The following BAHCC1 variants were observed in gnomAD, a reference collection of about 807,000 sequenced individuals.
BAHCC1 encodes the protein BAH and coiled-coil domain-containing protein 1.
A neutral mutation model predicts 88.2 loss-of-function variants in BAHCC1; 43 were observed. The ratio of observed to expected loss-of-function variants is 0.49; its 90% CI spans 0.38 to 0.63. The LOEUF (loss-of-function observed/expected upper bound fraction) is 0.63. BAHCC1 is among the 20% of genes least tolerant of loss of function. The pLI is 0.00. For synonymous variants in BAHCC1, 1,510 were observed against 745.5 expected (o/e 2.03, Z -16.71); for missense variants, 3,023 against 1,654.8 (o/e 1.83, Z -14.34).
At chr17:81,457,688 C>CCCTGTCCTCCCTCCTGGTTACCT (rs2064775653) in intron 17 of BAHCC1, 96 bp downstream of exon 17, 1 of 593,708 alleles carries the variant, frequency 1.7e-6, no homozygotes. Flanking sequence ...GCTGGGTAAC[C>CCCTGTCCTCCCTCCTGGTTACCT]AGGAGGGAGG....
chr17:81,424,138 C>T (rs1289666762), intron 2 of BAHCC1, among the ~76,000 whole-genome samples: 1 of 152,220 alleles, frequency 6.6e-6, no homozygotes, highest in African/African-American at 2.4e-5. Flanking sequence ...CTCAGTTTCT[C>T]CCTCTGCTCG....
Position 81,447,374 on chromosome 17 carries a change from C to T in BAHCC1, c.3502C>T (p.Pro1168Ser). The change falls in exon 11 of 28, where the codon CCC becomes TCC. Residue 1168 changes from proline (P) to serine (S), a missense_variant. Coordinates refer to ENST00000675386, the MANE Select transcript of BAHCC1 (RefSeq NM_001377448.1). ...TGCGGCCCTCCTGGAGGCAGGGGGC[C>T]CCGAGGCCACCGGCCAGGCTCATTC... ...QCAALLEAGG[P>S]EATGQAHSTQ... 1 of 735,402 alleles carries T rather than the reference C, an allele frequency of 1.4e-6. No homozygotes were observed. Among genetic ancestry groups the T allele is most frequent in the Non-Finnish European group, 2.5e-6 (1 of 396,170 alleles). The allele number at this position is 735,402 out of a possible 1,614,324, so 45.6% of individuals were successfully genotyped here. A position where few individuals can be genotyped will look rare whatever the true frequency, so the allele number is the denominator to read the frequency against.
Position 81,399,667 on chromosome 17 carries a change from C to A in BAHCC1, c.-73C>A. On this transcript the variant is annotated 5_prime_UTR_variant, in exon 2 of 28. Coordinates refer to ENST00000675386, the MANE Select transcript of BAHCC1 (RefSeq NM_001377448.1). The surrounding 1 kb of genome is among the most constrained non-coding windows in gnomAD (Gnocchi z 4.5). ...GACGCCGCCGCCTCTGCGCCGCCCG[C>A]GCGCCGAGCCGCCCCCGGGCCCCGG... 1.1e-6 allele frequency: 1 copy of A among 934,932 alleles called. No individual in the cohort carries two copies. The highest frequency in any genetic ancestry group is 1.3e-6 in the Non-Finnish European group (1 of 783,768). The allele number at this position is 934,932 out of a possible 1,614,324, so 57.9% of individuals were successfully genotyped here.
At chr17:81,445,202 C>T in intron 9 of BAHCC1, 24 bp downstream of exon 9, 1 of 749,026 alleles carries the variant, frequency 1.3e-6, no homozygotes, top group South Asian at 1.4e-5. Context: ...CCACGCTCAC[C>T]TGGGCCGGGC....
intron 3 of BAHCC1, among the ~76,000 whole-genome samples, chr17:81,431,333 C>A (rs1444982565): frequency 7.1e-6 from 1 of 141,010 alleles, no homozygotes; most frequent in Non-Finnish European, 1.5e-5. Context: ...CAACCCCCAG[C>A]CCGCTGAGAC....
At position 81,447,350 on chromosome 17, in the gene BAHCC1, G is replaced by A. The variant is rs781870522; in HGVS notation, c.3478G>A (p.Ala1160Thr). Residue 1160 changes from alanine (A) to threonine (T), a missense_variant, in exon 11 of 28, where the codon GCG becomes ACG. Coordinates refer to ENST00000675386, the MANE Select transcript of BAHCC1 (RefSeq NM_001377448.1). Reference protein sequence around the residue: ...PLEGLQELQCAALLEAGGPEA... With the variant: ...PLEGLQELQCTALLEAGGPEA... The stretch of plus-strand genomic sequence containing the variant: ...AGAGGGGCTACAAGAACTGCAATGT[G>A]CGGCCCTCCTGGAGGCAGGGGGCCC... 1.5e-5 allele frequency: 11 copies of A among 745,520 alleles called. No individual in the cohort carries two copies. The South Asian group carries it at 1.6e-4, about 11-fold the overall frequency. The allele number at this position is 745,520 out of a possible 1,614,324, so 46.2% of individuals were successfully genotyped here. A position where few individuals can be genotyped will look rare whatever the true frequency, so the allele number is the denominator to read the frequency against.
chr17:81,399,636 A>G lies in BAHCC1; in HGVS notation c.-104A>G. On this transcript the variant is annotated 5_prime_UTR_variant, in exon 2 of 28. Coordinates refer to ENST00000675386, the MANE Select transcript of BAHCC1 (RefSeq NM_001377448.1). This position sits in a 1 kb window ranked among gnomAD's most constrained non-coding sequence, Gnocchi z 4.5. ...GGCCCCGCCGCCACCACCGCCTGTG[A>G]CCCCGGACGCCGCCGCCTCTGCGCC... The G allele has an allele frequency of 1.3e-6, 1 of 772,600 alleles. No individual in the cohort carries two copies. The highest frequency in any genetic ancestry group is 1.7e-6 in the Non-Finnish European group (1 of 591,536). The allele number at this position is 772,600 out of a possible 1,614,324, so 47.9% of individuals were successfully genotyped here.
At chr17:81,402,876 A>C in intron 2 of BAHCC1, 1 of 152,234 alleles carries the variant, frequency 6.6e-6, no homozygotes. Flanking sequence ...TTTTCTAAAA[A>C]TGAAAGTGCT....
rs368269750 is a variant in BAHCC1, at chr17:81,463,732, G to A, written c.7742G>A (p.Arg2581Gln). 6.2e-5 allele frequency: 48 copies of A among 778,956 alleles called. No individual in the cohort carries two copies. The highest frequency in any genetic ancestry group is 2.4e-4 in the African/African-American group (14 of 59,252). 48.3% of individuals were successfully genotyped at this position (778,956 alleles called of 1,614,324 possible). The change falls in exon 28 of 28, where the codon CGG becomes CAG. Residue 2581 changes from arginine to glutamine, a missense_variant. By Grantham distance (43) the Arg-to-Gln change is conservative. Coordinates refer to ENST00000675386, the MANE Select transcript of BAHCC1 (RefSeq NM_001377448.1). ...QMARSRKCQD[R>Q]QDLYYLAGTY... is the part of the protein sequence containing the mutation. The stretch of plus-strand genomic sequence containing the variant: ...GCCCGGAGCCGCAAGTGCCAGGACC[G>A]GCAGGACCTCTACTACCTGGCGGGC...
chr17:81,422,844 G>A (rs1201279023), intron 2 of BAHCC1: 1 of 390,606 alleles, frequency 2.6e-6, no homozygotes, highest in Non-Finnish European at 5.0e-6. Flanking sequence ...GTGTGGGGGT[G>A]GGAAGGCCTG....
intron 2 of BAHCC1, chr17:81,409,977 C>T: frequency 4.2e-6 from 1 of 240,556 alleles, no homozygotes; most frequent in Non-Finnish European, 9.1e-6. Flanking sequence ...TGCCAAGCCA[C>T]CTTGGCTGCA....
At chr17:81,458,500 G>T (rs782341413) in intron 18 of BAHCC1, 34 bp downstream of exon 18, 1 of 672,824 alleles carries the variant, frequency 1.5e-6, no homozygotes. Flanking sequence ...GGGCGGAGAG[G>T]GTGGGTGCCT....
Position 81,411,864 on chromosome 17 carries a change from C to T in BAHCC1, c.178+11947C>T, listed in dbSNP as rs1306295908. 1.3e-5 allele frequency among the ~76,000 whole-genome samples: 2 copies of T among 152,250 alleles called. No individual in the cohort carries two copies. The highest frequency in any genetic ancestry group is 2.9e-5 in the Non-Finnish European group (2 of 68,026). Reference sequence around the variant, plus strand: ...CCGCCCCGGCCCCTGCCCCTCCACACCCTGGTCACTCTTCCCTCCAGCTCA... The same window carrying T: ...CCGCCCCGGCCCCTGCCCCTCCACATCCTGGTCACTCTTCCCTCCAGCTCA... On this transcript the variant is annotated intron_variant, in intron 2 of 27. Coordinates refer to ENST00000675386, the MANE Select transcript of BAHCC1 (RefSeq NM_001377448.1). The surrounding 1 kb of genome is among the most constrained non-coding windows in gnomAD (Gnocchi z 6.2).
intron 2 of BAHCC1, among the ~76,000 whole-genome samples, chr17:81,417,077 C>A (rs1406721629): frequency 6.6e-6 from 1 of 152,092 alleles, no homozygotes; most frequent in African/African-American, 2.4e-5. Flanking sequence ...TGTAGGAGGG[C>A]AGGTGGGTGT....
At position 81,442,276 on chromosome 17, in the gene BAHCC1, G is replaced by T. The variant is rs781800782; in HGVS notation, c.927G>T (p.Arg309=). The change falls in exon 5 of 28, where the codon CGG becomes CGT. Residue 309 remains arginine, a synonymous_variant. Coordinates refer to ENST00000675386, the MANE Select transcript of BAHCC1 (RefSeq NM_001377448.1). ...LASCAGGMLG[R]PGTGVVTSGR... ...GCTGTGCAGGGGGCATGCTGGGGCG[G>T]CCTGGCACGGGGGTGGTGACCTCCG... 1 of 624,234 alleles carries T rather than the reference G, an allele frequency of 1.6e-6. No individual in the cohort carries two copies. 38.7% of individuals were successfully genotyped at this position (624,234 alleles called of 1,614,324 possible).
At position 81,461,013 on chromosome 17, in the gene BAHCC1, G is replaced by A. The variant is rs782376830; in HGVS notation, c.6350G>A (p.Gly2117Glu). The change falls in exon 26 of 28, where the codon GGG becomes GAG. Residue 2117 changes from glycine to glutamate, a missense_variant. By Grantham distance (98) the Gly-to-Glu change is moderately conservative. Transcript: ENST00000675386. ...GTGGCAGCGGCCAGCAAGGGGCCGGGGGTGCTGCAGAACCTCTTCCAGCTC... is the reference window on the plus strand; with the variant it reads ...GTGGCAGCGGCCAGCAAGGGGCCGGAGGTGCTGCAGAACCTCTTCCAGCTC... Reference protein sequence around the residue: ...KAVAAASKGPGVLQNLFQLNG... With the variant: ...KAVAAASKGPEVLQNLFQLNG... 3.9e-6 allele frequency: 3 copies of A among 773,214 alleles called. No homozygotes were observed. Among genetic ancestry groups the A allele is most frequent in the Non-Finnish European group, 7.2e-6 (3 of 417,132 alleles). The allele number at this position is 773,214 out of a possible 1,614,324, so 47.9% of individuals were successfully genotyped here.
chr17:81,451,960 C>CA lies in BAHCC1; in HGVS notation c.4180-11_4180-10insA. 1 of 622,076 alleles carries CA rather than the reference C, an allele frequency of 1.6e-6. No homozygotes were observed. The allele number at this position is 622,076 out of a possible 1,614,324, so 38.5% of individuals were successfully genotyped here. A position where few individuals can be genotyped will look rare whatever the true frequency, so the allele number is the denominator to read the frequency against. On this transcript the variant is annotated splice_polypyrimidine_tract_variant and intron_variant, in intron 12 of 27. Coordinates refer to ENST00000675386, the MANE Select transcript of BAHCC1 (RefSeq NM_001377448.1). The stretch of plus-strand genomic sequence containing the variant: ...GGCCCGGCTCACAGGCCCCTGTGCC[C>CA]CCCCCACCAGGTGTGCCCCCTGAAG...
At chr17:81,450,236 C>T (rs1040307384) in intron 11 of BAHCC1, among the ~76,000 whole-genome samples, 1 of 152,130 alleles carries the variant, frequency 6.6e-6, no homozygotes. Flanking sequence ...CACCCACCCC[C>T]ACCGCAAGGT....
chr17:81,458,259 G>A lies in BAHCC1; in HGVS notation c.5136G>A (p.Gly1712=). ...GCACCACCCTGGAGCGGGCCCCAGG[G>A]CAGAGGCCCCCAGGTGCGCTGGGCA... is the stretch of plus-strand genomic sequence containing the variant. ...KVGTTLERAP[G]QRPPGALGKK... is the part of the protein sequence containing the mutation. Residue 1712 remains glycine, a synonymous_variant, in exon 18 of 28, where the codon GGG becomes GGA. Coordinates refer to ENST00000675386, the MANE Select transcript of BAHCC1 (RefSeq NM_001377448.1). 1 of 745,458 alleles carries A rather than the reference G, an allele frequency of 1.3e-6. No homozygotes were observed. The highest frequency in any genetic ancestry group is 2.5e-6 in the Non-Finnish European group (1 of 401,646). The allele number at this position is 745,458 out of a possible 1,614,324, so 46.2% of individuals were successfully genotyped here.
Sources: gnomAD v4.1 joint callset for allele counts (sites outside exome capture counted in the v4.1 genomes callset) on GRCh38, gnomAD v4.1.1 for gene constraint, Gnocchi (gnomAD v3.1) non-coding constraint, MANE v1.5 for transcripts, NCBI Gene and HGNC (gene_info 2026-07-23, HGNC 2026-07-21) for gene names.